Variants in ATG16L2 observed in about 807,000 individuals in gnomAD.
ATG16L2 encodes the protein autophagy related 16 like 2.
A neutral mutation model predicts 84.7 loss-of-function variants in ATG16L2; 77 were observed. The observed-to-expected ratio is 0.91, with a 90% CI of 0.76 to 1.10. The LOEUF (loss-of-function observed/expected upper bound fraction) is 1.10. ATG16L2 is among the 50% of genes least tolerant of loss of function. The pLI is 0.00. For synonymous variants in ATG16L2, 361 were observed against 342.8 expected, an observed-to-expected ratio of 1.05 and a Z score of -0.59; for missense variants, 782 against 817.6, an observed-to-expected ratio of 0.96 and a Z score of 0.53.
downstream of ATG16L2, among the ~76,000 whole-genome samples, chr11:72,833,801 T>C (rs975923566): frequency 3.3e-5 from 5 of 151,938 alleles, no homozygotes; most frequent in African/African-American, 7.3e-5. Flanking sequence ...CACATGCCTG[T>C]AATCCCAGCT....
At chr11:72,837,495 G>A (rs1403388065) in intron 5 of ATG16L2, 3 of 151,102 alleles carry the variant, frequency 2.0e-5, no homozygotes, top group African/African-American at 7.3e-5. Flanking sequence ...CACAACCGGC[G>A]AACATCCCTT....
At position 72,842,875 on chromosome 11, in the gene ATG16L2, T is replaced by A. The variant is rs1462370130; in HGVS notation, c.*280T>A. 7 of 1,564,234 alleles carry A rather than the reference T, an allele frequency of 4.5e-6. No individual in the cohort carries two copies. The East Asian group carries it at 1.6e-4, about 35-fold the overall frequency. On this transcript the variant is annotated 3_prime_UTR_variant, in exon 6 of 6. Transcript: ENST00000534905. ...CAAGAGAAAAACAAATCTGGTAAGA[T>A]AATTAACAGCCGGTTGCTTTTGCAA...
downstream of ATG16L2, among the ~76,000 whole-genome samples, chr11:72,831,866 G>C (rs1278947414): frequency 6.6e-6 from 1 of 152,226 alleles, no homozygotes; most frequent in Non-Finnish European, 1.5e-5. Context: ...CTGGACTGTG[G>C]CTGCATTACA....
At chr11:72,829,785 A>T, downstream of ATG16L2, 1 of 321,720 alleles carries the variant, frequency 3.1e-6, no homozygotes, top group Non-Finnish European at 4.6e-6. Flanking sequence ...GTGCTGCTCA[A>T]GTCTAACCAT....
intron 3 of ATG16L2, among the ~76,000 whole-genome samples, chr11:72,819,187 TCACA>T (rs1456825349): frequency 1.3e-5 from 2 of 152,176 alleles, no homozygotes; most frequent in African/African-American, 2.4e-5. Context: ...CCAGTCGTTC[TCACA>T]CATGCTGGAA....
intron 5 of ATG16L2, chr11:72,838,154 T>A (rs1860790084): frequency 6.6e-6 from 1 of 152,358 alleles, no homozygotes. Flanking sequence ...GGCACAGATA[T>A]TAATACGAAG....
At chr11:72,828,643 G>C in intron 15 of ATG16L2, 86 bp from the exon 16 acceptor site, 2 of 1,596,626 alleles carry the variant, frequency 1.3e-6, no homozygotes, top group Non-Finnish European at 1.7e-6. Flanking sequence ...CAAACCCCTC[G>C]ACAAAGAGGA....
Position 72,822,734 on chromosome 11 carries a change from C to T in ATG16L2, c.711-114C>T. On this transcript the variant is annotated intron_variant, in intron 6 of 17. Transcript: ENST00000321297. This position sits in a 1 kb window ranked among gnomAD's most constrained non-coding sequence, Gnocchi z 4.2. Reference sequence around the variant, plus strand: ...TGCATGCGTGACCGCTGCACGTGTACACCCACACAGAACCCTCATCACTGG... The same window carrying T: ...TGCATGCGTGACCGCTGCACGTGTATACCCACACAGAACCCTCATCACTGG... 3 of 1,025,736 alleles carry T rather than the reference C, an allele frequency of 2.9e-6. No homozygotes were observed. Among genetic ancestry groups the T allele is most frequent in the Non-Finnish European group, 4.3e-6 (3 of 700,132 alleles). The allele number at this position is 1,025,736 out of a possible 1,614,324, so 63.5% of individuals were successfully genotyped here.
downstream of ATG16L2, among the ~76,000 whole-genome samples, chr11:72,832,279 T>C (rs1860622961): frequency 6.6e-6 from 1 of 152,222 alleles, no homozygotes; most frequent in Non-Finnish European, 1.5e-5. Flanking sequence ...TTCTACTTTA[T>C]GGGCGTCAAT....
chr11:72,823,771 G>T (rs566589206), intron 7 of ATG16L2: 1 of 539,378 alleles, frequency 1.9e-6, no homozygotes, highest in Non-Finnish European at 3.6e-6. Flanking sequence ...TGTAGGCCCC[G>T]GCTCAGCTTC....
At chr11:72,821,490 C>G in intron 3 of ATG16L2, 178 bp from the exon 4 acceptor site, 1 of 1,413,552 alleles carries the variant, frequency 7.1e-7, no homozygotes, top group Non-Finnish European at 9.2e-7. Flanking sequence ...GGGCCTTCCA[C>G]TGCTCCACAA....
chr11:72,816,834 G>C lies in ATG16L2; in HGVS notation c.218+7G>C. ...CCACCCACCAGGGCCCCTGGTAAGT[G>C]TATGTGGGTCCGTGGTCACAAAGGG... On this transcript the variant is annotated splice_region_variant and intron_variant, in intron 2 of 17. Coordinates refer to ENST00000321297, the MANE Select transcript of ATG16L2 (RefSeq NM_033388.2). The C allele has an allele frequency of 3.7e-6, 6 of 1,612,936 alleles. No homozygotes were observed. The highest frequency in any genetic ancestry group is 5.1e-6 in the Non-Finnish European group (6 of 1,178,908).
In ATG16L2 at chr11:72,814,570, G is replaced by T; in HGVS notation, c.118+7G>T. The T allele has an allele frequency of 6.4e-7, 1 of 1,562,490 alleles. No homozygotes were observed. On this transcript the variant is annotated splice_region_variant and intron_variant, in intron 1 of 17. Coordinates refer to ENST00000321297, the MANE Select transcript of ATG16L2 (RefSeq NM_033388.2). The stretch of plus-strand genomic sequence containing the variant: ...CTGGAGCTGGTGCCGGCCTGTGAGT[G>T]CGCCCCGGTGCTGAGAGGATGGCGG...
At chr11:72,842,809 C>T in exon 6 of ATG16L2, 1 of 1,613,846 alleles carries the variant, frequency 6.2e-7, no homozygotes, top group Non-Finnish European at 8.5e-7. Flanking sequence ...TCTGTCTGGC[C>T]CTCATAATCA....
chr11:72,830,460 T>C (rs975715218), downstream of ATG16L2, among the ~76,000 whole-genome samples: 9 of 152,148 alleles, frequency 5.9e-5, no homozygotes, highest in South Asian at 1.9e-3. Flanking sequence ...ATCCAATCCT[T>C]TCCCTTACTA....
At chr11:72,827,794 G>A (rs994525038) in intron 14 of ATG16L2, among the ~76,000 whole-genome samples, 6 of 152,198 alleles carry the variant, frequency 3.9e-5, no homozygotes, top group Admixed American at 2.0e-4. Context: ...TTAGCCGGGT[G>A]TGGTGGCAGA....
In ATG16L2 at chr11:72,814,472, C is replaced by T. The variant is rs1168745520; in HGVS notation, c.27C>T (p.Ala9=). The change falls in exon 1 of 18, where the codon GCC becomes GCT. Residue 9 remains alanine (A), a synonymous_variant. Transcript: ENST00000321297. MAGPGVPG[A]PAARWKRHIV... ...TGGCGGGGCCGGGCGTCCCCGGTGC[C>T]CCCGCAGCGCGCTGGAAACGCCACA... is the stretch of plus-strand genomic sequence containing the variant. 2 of 1,517,052 alleles carry T rather than the reference C, an allele frequency of 1.3e-6. No individual in the cohort carries two copies. The highest frequency in any genetic ancestry group is 1.8e-6 in the Non-Finnish European group (2 of 1,128,366). 94.0% of individuals were successfully genotyped at this position (1,517,052 alleles called of 1,614,324 possible). A position where few individuals can be genotyped will look rare whatever the true frequency, so the allele number is the denominator to read the frequency against.
At chr11:72,826,033 C>T in intron 10 of ATG16L2, 140 bp from the exon 11 acceptor site, 1 of 687,714 alleles carries the variant, frequency 1.5e-6, no homozygotes, top group South Asian at 1.8e-5. Flanking sequence ...GCCCGCAGAA[C>T]AGACCCAGCG....
intron 2 of ATG16L2, among the ~76,000 whole-genome samples, 175 bp from the exon 3 acceptor site, chr11:72,817,581 C>T (rs978250593): frequency 3.3e-5 from 5 of 152,248 alleles, no homozygotes; most frequent in African/African-American, 1.2e-4. Flanking sequence ...GCAGAGGAGT[C>T]ATGGACAGCT....
Sources: gnomAD v4.1 joint callset for allele counts (sites outside exome capture counted in the v4.1 genomes callset) on GRCh38, gnomAD v4.1.1 for gene constraint, Gnocchi (gnomAD v3.1) non-coding constraint, MANE v1.5 for transcripts, NCBI Gene and HGNC (gene_info 2026-07-23, HGNC 2026-07-21) for gene names.